The following B3GALT1 variants were observed in gnomAD, a reference collection of about 807,000 sequenced individuals.
The protein encoded by B3GALT1 is beta-1,3-galactosyltransferase 1, also known as UDP-Gal:betaGlcNAc beta 1,3-galactosyltransferase, polypeptide 1.
In B3GALT1, 10 loss-of-function variants were observed where a neutral mutation model predicts 23.2. The observed-to-expected ratio is 0.43, with a 90% CI of 0.27 to 0.73. The LOEUF (loss-of-function observed/expected upper bound fraction) is 0.73, where lower values mean the gene tolerates loss of function less well. B3GALT1 is among the 30% of genes least tolerant of loss of function. The probability of loss-of-function intolerance (pLI) is 0.21; values close to 1 mark genes in which losing one functional copy is unlikely to be tolerated. For synonymous variants in B3GALT1, 156 were observed against 141.5 expected (o/e 1.10, Z -0.73); for missense variants, 299 against 405.4 (o/e 0.74, Z 2.25).
At chr2:167,363,809 A>C (rs1697539470) in intron 1 of B3GALT1, among the ~76,000 whole-genome samples, 1 of 152,148 alleles carries the variant, frequency 6.6e-6, no homozygotes, top group African/African-American at 2.4e-5. Flanking sequence ...AGAAATTCTC[A>C]AAACAGTTTT....
At chr2:167,460,758 G>T (rs1201627591) in intron 1 of B3GALT1, among the ~76,000 whole-genome samples, 1 of 151,878 alleles carries the variant, frequency 6.6e-6, no homozygotes, top group South Asian at 2.1e-4. Flanking sequence ...AGATTTTCTG[G>T]GTTTTATTGT....
At chr2:167,828,660 A>G (rs1005780215) in intron 4 of B3GALT1, among the ~76,000 whole-genome samples, 2 of 152,214 alleles carry the variant, frequency 1.3e-5, no homozygotes, top group African/African-American at 2.4e-5. Flanking sequence ...AAAAATCACA[A>G]TCCTAATAAT....
At chr2:167,755,227 G>A (rs1247401584) in intron 3 of B3GALT1, among the ~76,000 whole-genome samples, 1 of 151,964 alleles carries the variant, frequency 6.6e-6, no homozygotes, top group East Asian at 1.9e-4. Context: ...AGTAGGATAC[G>A]GATTAAAATA....
intron 3 of B3GALT1, among the ~76,000 whole-genome samples, chr2:167,789,376 T>C (rs755215993): frequency 6.6e-6 from 1 of 152,160 alleles, no homozygotes; most frequent in Non-Finnish European, 1.5e-5. Context: ...GTCATACTAG[T>C]ATGTTCCTTA....
intron 2 of B3GALT1, among the ~76,000 whole-genome samples, chr2:167,504,086 T>C (rs1055788993): frequency 3.3e-5 from 5 of 152,190 alleles, no homozygotes; most frequent in African/African-American, 1.2e-4. Context: ...TGGGCAGATA[T>C]GCAGTGGGCA....
Position 167,527,264 on chromosome 2 carries a change from G to A in B3GALT1, c.-410+36987G>A, listed in dbSNP as rs111719342. Among the ~76,000 whole-genome samples the A allele has an allele frequency of 4.4e-3, 666 of 152,026 alleles. 6 individuals carry two copies. The highest frequency in any genetic ancestry group is 0.015 in the African/African-American group (637 of 41,468). On this transcript the variant is annotated intron_variant, in intron 2 of 4. Coordinates refer to ENST00000392690, the MANE Select transcript of B3GALT1 (RefSeq NM_020981.4). ...CATATCAATGATATTTAAGTTGCCC[G>A]TCTCACACCACTCTCTCAATATTAT...
chr2:167,598,990 C>A (rs1215521062), intron 2 of B3GALT1, among the ~76,000 whole-genome samples: 1 of 152,064 alleles, frequency 6.6e-6, no homozygotes, highest in African/African-American at 2.4e-5. Context: ...CATAGACTTC[C>A]AGAGATTTGT....
chr2:167,474,986 A>G (rs145164617), intron 1 of B3GALT1, among the ~76,000 whole-genome samples: 2 of 152,190 alleles, frequency 1.3e-5, no homozygotes, highest in Non-Finnish European at 2.9e-5. Context: ...ATATTAAATC[A>G]GATTTTATAC....
chr2:167,561,631 C>G (rs1223109342), intron 2 of B3GALT1, among the ~76,000 whole-genome samples: 1 of 152,134 alleles, frequency 6.6e-6, no homozygotes, highest in Non-Finnish European at 1.5e-5. Flanking sequence ...GATATCACCA[C>G]CGATCCCACA....
intron 1 of B3GALT1, among the ~76,000 whole-genome samples, chr2:167,295,329 T>C (rs368248975): frequency 2.0e-5 from 3 of 152,196 alleles, no homozygotes; most frequent in African/African-American, 7.2e-5. Context: ...TTGTGGTGGT[T>C]GTTCTATACA....
chr2:167,408,881 A>G (rs573014788), intron 1 of B3GALT1, among the ~76,000 whole-genome samples: 133 of 152,260 alleles, frequency 8.7e-4, no homozygotes, highest in African/African-American at 3.1e-3. Context: ...CACACACACA[A>G]AATGGAAAGA....
chr2:167,597,648 G>A (rs944271821), intron 2 of B3GALT1, among the ~76,000 whole-genome samples: 1 of 152,172 alleles, frequency 6.6e-6, no homozygotes, highest in Non-Finnish European at 1.5e-5. Context: ...CCTCCGTGTT[G>A]CCTGACACAT....
intron 2 of B3GALT1, among the ~76,000 whole-genome samples, chr2:167,548,683 TGA>T (rs1440260741): frequency 8.0e-6 from 1 of 125,670 alleles, no homozygotes; most frequent in Non-Finnish European, 1.6e-5. Context: ...GACGTGTGTG[TGA>T]GTGTGTGTGT....
chr2:167,834,745 A>G (rs959826845), intron 4 of B3GALT1, among the ~76,000 whole-genome samples: 3 of 152,066 alleles, frequency 2.0e-5, no homozygotes, highest in African/African-American at 7.2e-5. Context: ...GCTACTCAGG[A>G]GGCTGAAGCA....
At chr2:167,463,955 G>A (rs1699306114) in intron 1 of B3GALT1, among the ~76,000 whole-genome samples, 1 of 152,140 alleles carries the variant, frequency 6.6e-6, no homozygotes, top group African/African-American at 2.4e-5. Flanking sequence ...CCAATGATCT[G>A]AGCAAGAGCT....
Position 167,598,403 on chromosome 2 carries a change from CAG to C in B3GALT1, c.-409-48505_-409-48504del, listed in dbSNP as rs530063256. Among the ~76,000 whole-genome samples the C allele has an allele frequency of 9.1e-4, 139 of 152,106 alleles. 2 individuals carry two copies. Among genetic ancestry groups the C allele is most frequent in the African/African-American group, 3.4e-3 (139 of 41,488 alleles). On this transcript the variant is annotated intron_variant, in intron 2 of 4. Transcript: ENST00000392690. ...AGATAAACTATTAATTTGTCAAAAT[CAG>C]GGAGACAGCCAATGTGAGTGACAAA...
intron 1 of B3GALT1, among the ~76,000 whole-genome samples, chr2:167,372,671 A>G (rs73019782): frequency 0.017 from 2,621 of 152,236 alleles, 82 homozygotes; most frequent in African/African-American, 0.06. Flanking sequence ...AAAATCAGTT[A>G]TGATTATTGA....
At chr2:167,603,876 C>A (rs558493359) in intron 2 of B3GALT1, among the ~76,000 whole-genome samples, 1 of 145,078 alleles carries the variant, frequency 6.9e-6, no homozygotes, top group South Asian at 2.5e-4. Flanking sequence ...AAACTGAAGT[C>A]TTTAAAAGAA....
rs369519534 is a variant in B3GALT1, at chr2:167,676,341, GA to G, written c.-352+29377del. 3.9e-3 allele frequency among the ~76,000 whole-genome samples: 598 copies of G among 152,212 alleles called. 2 individuals are homozygous for G. Among genetic ancestry groups the G allele is most frequent in the African/African-American group, 0.014 (564 of 41,528 alleles). ...GAAGAAAAAAATGTAAGGTTTCAGA[GA>G]AGCAGAAAGTACTGACAGTGACGTT... On this transcript the variant is annotated intron_variant, in intron 3 of 4. Transcript: ENST00000392690.
Sources: gnomAD v4.1 joint callset for allele counts (sites outside exome capture counted in the v4.1 genomes callset) on GRCh38, gnomAD v4.1.1 for gene constraint, MANE v1.5 for transcripts, NCBI Gene and HGNC (gene_info 2026-07-23, HGNC 2026-07-21) for gene names.